NGLY1: variants seen among roughly 807,000 people sequenced by gnomAD.
NGLY1 encodes N-glycanase 1.
A neutral mutation model predicts 84.6 loss-of-function variants in NGLY1; 68 were observed. The ratio of observed to expected loss-of-function variants is 0.80; its 90% CI spans 0.66 to 0.98. The LOEUF (loss-of-function observed/expected upper bound fraction) is 0.98. Among genes scored for constraint, NGLY1 ranks in the 50% least tolerant of loss-of-function variants. The pLI is 0.00. For missense variants in NGLY1, 779 were observed against 770.2 expected (o/e 1.01, Z -0.14); for synonymous variants, 280 against 275.2 (o/e 1.02, Z -0.17).
At chr3:25,746,070 G>A (rs894432191) in intron 4 of NGLY1, among the ~76,000 whole-genome samples, 1 of 152,052 alleles carries the variant, frequency 6.6e-6, no homozygotes, top group African/African-American at 2.4e-5. Context: ...GGTATACACT[G>A]CTCTGTCTGA....
At chr3:25,724,325 C>A (rs1398145735) in intron 10 of NGLY1, among the ~76,000 whole-genome samples, 1 of 152,198 alleles carries the variant, frequency 6.6e-6, no homozygotes, top group South Asian at 2.1e-4. Flanking sequence ...CCCACAGATA[C>A]CCAGCAAAGC....
At chr3:25,779,171 A>C (rs1446840145) in intron 1 of NGLY1, among the ~76,000 whole-genome samples, 2 of 151,986 alleles carry the variant, frequency 1.3e-5, no homozygotes, top group African/African-American at 4.8e-5. Context: ...TCTCGACCTC[A>C]GGTGATCCAC....
chr3:25,788,934 T>C (rs1169376059), intron 1 of NGLY1, among the ~76,000 whole-genome samples: 1 of 152,150 alleles, frequency 6.6e-6, no homozygotes, highest in Non-Finnish European at 1.5e-5. Context: ...CATTCTTCTG[T>C]AGGGGTAGGA....
intron 3 of NGLY1, among the ~76,000 whole-genome samples, chr3:25,762,986 G>A (rs1707387606): frequency 6.6e-6 from 1 of 152,008 alleles, no homozygotes; most frequent in Non-Finnish European, 1.5e-5. Flanking sequence ...TTAGCCAGGA[G>A]AGATGGTGCA....
At chr3:25,755,425 C>T in intron 3 of NGLY1, 1 of 1,455,950 alleles carries the variant, frequency 6.9e-7, no homozygotes, top group Admixed American at 1.7e-5. Flanking sequence ...CAGTGTCTGT[C>T]CCAAATAAAG....
intron 10 of NGLY1, among the ~76,000 whole-genome samples, chr3:25,725,765 T>A (rs1705222581): frequency 6.6e-6 from 1 of 152,188 alleles, no homozygotes; most frequent in Non-Finnish European, 1.5e-5. Flanking sequence ...AAAATACTTG[T>A]AGAGTGAACA....
At chr3:25,770,350 T>C (rs1232538344) in intron 2 of NGLY1, among the ~76,000 whole-genome samples, 1 of 152,190 alleles carries the variant, frequency 6.6e-6, no homozygotes, top group African/African-American at 2.4e-5. Flanking sequence ...GGTTTCACCA[T>C]GTTGTCCAGG....
At chr3:25,746,145 A>C (rs1223364396) in intron 4 of NGLY1, among the ~76,000 whole-genome samples, 1 of 152,036 alleles carries the variant, frequency 6.6e-6, no homozygotes, top group Non-Finnish European at 1.5e-5. Flanking sequence ...TATACACCCT[A>C]CCCTACACAC....
chr3:25,782,467 T>C (rs916243532), intron 1 of NGLY1, among the ~76,000 whole-genome samples: 1 of 152,008 alleles, frequency 6.6e-6, no homozygotes, highest in Non-Finnish European at 1.5e-5. Context: ...ATCTGAAGAG[T>C]TGAGGTGGGT....
intron 2 of NGLY1, chr3:25,778,328 T>A (rs993418072): frequency 3.2e-6 from 1 of 308,004 alleles, no homozygotes; most frequent in African/African-American, 2.2e-5. Context: ...GTTGCATGTA[T>A]GACCCTTATT....
At position 25,783,149 on chromosome 3, in the gene NGLY1, C is replaced by T; in HGVS notation, c.131+111G>A. ...GAACCAGCTCCAGGTCCCGGTCTGT[C>T]CGGGCGTCGCTGCCCTCTGAAGCTC... On this transcript the variant is annotated intron_variant, in intron 1 of 11. Transcript: ENST00000280700. The surrounding 1 kb of genome is among the most constrained non-coding windows in gnomAD (Gnocchi z 4.5). 1 of 1,023,762 alleles carries T rather than the reference C, an allele frequency of 9.8e-7. No individual in the cohort carries two copies. The highest frequency in any genetic ancestry group is 1.4e-6 in the Non-Finnish European group (1 of 693,106). The allele number at this position is 1,023,762 out of a possible 1,614,324, so 63.4% of individuals were successfully genotyped here.
At chr3:25,724,369 G>A (rs1415561213) in intron 10 of NGLY1, among the ~76,000 whole-genome samples, 1 of 152,134 alleles carries the variant, frequency 6.6e-6, no homozygotes, top group East Asian at 1.9e-4. Context: ...ATTGTTGCTG[G>A]TAAACCGGTA....
Position 25,783,119 on chromosome 3 carries a change from G to C in NGLY1, c.131+141C>G, listed in dbSNP as rs1708496568. 1 of 751,586 alleles carries C rather than the reference G, an allele frequency of 1.3e-6. No homozygotes were observed. The highest frequency in any genetic ancestry group is 1.9e-5 in the African/African-American group (1 of 53,318). The allele number at this position is 751,586 out of a possible 1,614,324, so 46.6% of individuals were successfully genotyped here. A position where few individuals can be genotyped will look rare whatever the true frequency, so the allele number is the denominator to read the frequency against. On this transcript the variant is annotated intron_variant, in intron 1 of 11. Coordinates refer to ENST00000280700, the MANE Select transcript of NGLY1 (RefSeq NM_018297.4). The surrounding 1 kb of genome is among the most constrained non-coding windows in gnomAD (Gnocchi z 4.5). ...CCTGGCCGGCGGGCTCGGACGTTAG[G>C]AGCAGAACCAGCTCCAGGTCCCGGT...
Position 25,783,426 on chromosome 3 carries a change from C to G in NGLY1, c.-36G>C. The G allele has an allele frequency of 2.0e-6, 3 of 1,515,110 alleles. No homozygotes were observed. The highest frequency in any genetic ancestry group is 2.6e-6 in the Non-Finnish European group (3 of 1,132,934). 93.9% of individuals were successfully genotyped at this position (1,515,110 alleles called of 1,614,324 possible). ...CAGCGGGCGCCGCCGCCGCCCCTCGCTCTCCGCGTCCCACACTGAGCAGGC... is the reference window on the plus strand; with the variant it reads ...CAGCGGGCGCCGCCGCCGCCCCTCGGTCTCCGCGTCCCACACTGAGCAGGC... On this transcript the variant is annotated 5_prime_UTR_variant, in exon 1 of 12. Transcript: ENST00000280700. This position sits in a 1 kb window ranked among gnomAD's most constrained non-coding sequence, Gnocchi z 4.5.
chr3:25,771,030 G>T (rs1182419421), intron 2 of NGLY1, among the ~76,000 whole-genome samples: 5 of 152,116 alleles, frequency 3.3e-5, no homozygotes, highest in African/African-American at 1.2e-4. Flanking sequence ...TTCTTTTGCT[G>T]TGCAGAAGCT....
upstream of NGLY1, among the ~76,000 whole-genome samples, chr3:25,787,722 C>T (rs920932118): frequency 5.3e-5 from 8 of 152,180 alleles, no homozygotes; most frequent in African/African-American, 2.4e-5. Flanking sequence ...CTCTGAACTA[C>T]GGGATTAAAT....
upstream of NGLY1, among the ~76,000 whole-genome samples, chr3:25,785,391 T>C (rs182599900): frequency 6.6e-5 from 10 of 152,262 alleles, no homozygotes; most frequent in South Asian, 4.1e-4. Context: ...TCTGGAGATA[T>C]AGCTATCACA....
chr3:25,727,077 A>T (rs1705302820), intron 10 of NGLY1, among the ~76,000 whole-genome samples: 1 of 152,198 alleles, frequency 6.6e-6, no homozygotes, highest in Non-Finnish European at 1.5e-5. Context: ...ACAGAGCTAG[A>T]AAATCCCTAA....
chr3:25,787,316 T>C (rs188207207), upstream of NGLY1, among the ~76,000 whole-genome samples: 80 of 152,234 alleles, frequency 5.3e-4, no homozygotes, highest in Non-Finnish European at 1.2e-4. Flanking sequence ...CTAGTAACGT[T>C]TCCTTCTCAA....
Sources: gnomAD v4.1 joint callset for allele counts (sites outside exome capture counted in the v4.1 genomes callset) on GRCh38, gnomAD v4.1.1 for gene constraint, Gnocchi (gnomAD v3.1) non-coding constraint, MANE v1.5 for transcripts, NCBI Gene and HGNC (gene_info 2026-07-23, HGNC 2026-07-21) for gene names.